The following PPP2R3B variants were observed in gnomAD, a reference collection of about 807,000 sequenced individuals.
The protein encoded by PPP2R3B is serine/threonine-protein phosphatase 2A regulatory subunit B'' subunit beta.
A neutral mutation model predicts 72.9 loss-of-function variants in PPP2R3B; 68 were observed. The observed-to-expected ratio is 0.93, with a 90% CI of 0.77 to 1.14. PPP2R3B has a LOEUF of 1.14. Among genes scored for constraint, PPP2R3B ranks in the 50% most tolerant of loss-of-function variants. PPP2R3B has a pLI of 0.00. For synonymous variants in PPP2R3B, 466 were observed against 375.8 expected, an observed-to-expected ratio of 1.24 and a Z score of -2.78; for missense variants, 1,018 against 842.0, an observed-to-expected ratio of 1.21 and a Z score of -2.59.
In PPP2R3B at chrX:354,048, CACCCAAA is replaced by C. The variant is rs1254077998; in HGVS notation, c.511-6362_511-6356del. ...GGGGCTCGCCCAGGGACCAGGGGCT[CACCCAAA>C]GACCGGGGCTCGCCCAAAGACCGGG... is the stretch of plus-strand genomic sequence containing the variant. On this transcript the variant is annotated intron_variant, in intron 2 of 12. Transcript: ENST00000390665. Among the ~76,000 whole-genome samples the C allele has an allele frequency of 1.2e-4, 17 of 139,262 alleles. 1 individual carries two copies. The highest frequency in any genetic ancestry group is 4.9e-4 in the African/African-American group (16 of 32,900). 91.4% of individuals were successfully genotyped at this position (139,262 alleles called of 152,430 possible).
rs768844823 is a variant in PPP2R3B, at chrX:345,634, C to G, written c.918G>C (p.Gln306His). Residue 306 changes from glutamine to histidine, a missense_variant, in exon 7 of 13, where the codon CAG (glutamine) becomes CAC (histidine). Coordinates refer to ENST00000390665, the MANE Select transcript of PPP2R3B (RefSeq NM_013239.5). ...GCTCGTACGAGAAGAATTCGGTCAGCTGGTTGATGTCCGCCTCCTCCTCCA... is the reference window on the plus strand; with the variant it reads ...GCTCGTACGAGAAGAATTCGGTCAGGTGGTTGATGTCCGCCTCCTCCTCCA... The part of the protein sequence containing the change: ...ALLEEEADIN[Q>H]LTEFFSYEHF... The G allele has an allele frequency of 3.7e-6, 6 of 1,613,164 alleles. No homozygotes were observed. The highest frequency in any genetic ancestry group is 5.1e-6 in the Non-Finnish European group (6 of 1,179,560).
chrX:339,025 T>C (rs983909320), intron 10 of PPP2R3B, 129 bp from the exon 11 acceptor site: 27 of 787,576 alleles, frequency 3.4e-5, no homozygotes, highest in Non-Finnish European at 3.5e-5. Flanking sequence ...TCACGCCACG[T>C]GTTTGACGTG....
chrX:354,681 T>C (rs1330108611), intron 2 of PPP2R3B, among the ~76,000 whole-genome samples: 2 of 151,778 alleles, frequency 1.3e-5, no homozygotes, highest in African/African-American at 4.9e-5. Context: ...CAGAACCCTG[T>C]CTCTACCAAA....
chrX:338,168 C>T (rs1433211429), intron 12 of PPP2R3B: 2 of 286,318 alleles, frequency 7.0e-6, no homozygotes, highest in African/African-American at 4.3e-5. Flanking sequence ...AACCCTCACG[C>T]TCCGTGAGAA....
chrX:373,315 C>T (rs2071907487), intron 1 of PPP2R3B, among the ~76,000 whole-genome samples: 1 of 152,216 alleles, frequency 6.6e-6, no homozygotes, highest in Admixed American at 6.5e-5. Context: ...CACCGCTTCC[C>T]ACAGAGCAGC....
chrX:386,359 G>A lies in PPP2R3B; in HGVS notation c.324+9C>T, dbSNP rs2072249328. On this transcript the variant is annotated intron_variant, in intron 1 of 12. Coordinates refer to ENST00000390665, the MANE Select transcript of PPP2R3B (RefSeq NM_013239.5). The stretch of plus-strand genomic sequence containing the variant: ...TGCGCAGTTGTTAGCAGAAGGAAGA[G>A]TAACTTACTACTCTCGTCCCTGCGG... The A allele has an allele frequency of 1.5e-6, 2 of 1,311,716 alleles. No individual in the cohort carries two copies. The highest frequency in any genetic ancestry group is 3.1e-5 in the Admixed American group (1 of 32,634). 81.3% of individuals were successfully genotyped at this position (1,311,716 alleles called of 1,614,324 possible). A position where few individuals can be genotyped will look rare whatever the true frequency, so the allele number is the denominator to read the frequency against.
intron 8 of PPP2R3B, 46 bp downstream of exon 8, chrX:341,837 C>A (rs1472088831): frequency 6.2e-7 from 1 of 1,604,466 alleles, no homozygotes; most frequent in East Asian, 2.2e-5. Flanking sequence ...GGACCGGGGT[C>A]CTCGCAGGGG....
chrX:345,692 G>C lies in PPP2R3B; in HGVS notation c.880-20C>G. 1 of 1,610,038 alleles carries C rather than the reference G, an allele frequency of 6.2e-7. No individual in the cohort carries two copies. The highest frequency in any genetic ancestry group is 8.5e-7 in the Non-Finnish European group (1 of 1,178,194). ...CACATTCTGCCAAAGGACCCAGGCG[G>C]CCTGAGCGCGGGGCCTCTGCGGGGA... is the stretch of plus-strand genomic sequence containing the variant. On this transcript the variant is annotated intron_variant, in intron 6 of 12. Transcript: ENST00000390665.
chrX:383,121 C>T (rs2072161021), intron 1 of PPP2R3B, among the ~76,000 whole-genome samples: 1 of 152,198 alleles, frequency 6.6e-6, no homozygotes, highest in African/African-American at 2.4e-5. Context: ...CAGACGGTCT[C>T]CAAGCTGCCT....
chrX:367,429 C>T (rs1218086044), intron 1 of PPP2R3B, among the ~76,000 whole-genome samples: 2 of 149,056 alleles, frequency 1.3e-5, no homozygotes, highest in South Asian at 2.1e-4. Flanking sequence ...GTCGACGTTC[C>T]TTTTTTTTTT....
Position 334,362 on chromosome X carries a change from C to A in PPP2R3B, c.*5G>T, listed in dbSNP as rs14127. On this transcript the variant is annotated 3_prime_UTR_variant, in exon 13 of 13. Coordinates refer to ENST00000390665, the MANE Select transcript of PPP2R3B (RefSeq NM_013239.5). ...GGCCCCGCGGCGGCGTTCTCGCGGG[C>A]GGCGTCACAGCGGCTCCAGGTCCTC... 3 of 1,491,302 alleles carry A rather than the reference C, an allele frequency of 2.0e-6. No homozygotes were observed. Among genetic ancestry groups the A allele is most frequent in the African/African-American group, 2.9e-5 (2 of 68,074 alleles). The allele number at this position is 1,491,302 out of a possible 1,614,324, so 92.4% of individuals were successfully genotyped here.
At chrX:363,597 G>A (rs771166285) in intron 1 of PPP2R3B, among the ~76,000 whole-genome samples, 12 of 7,996 alleles carry the variant, frequency 1.5e-3, no homozygotes, top group Non-Finnish European at 3.1e-3. Flanking sequence ...GCATCTCCCC[G>A]TGCCCGCAAT....
At chrX:355,749 A>G (rs925422217) in intron 2 of PPP2R3B, among the ~76,000 whole-genome samples, 2 of 152,220 alleles carry the variant, frequency 1.3e-5, no homozygotes, top group African/African-American at 4.8e-5. Flanking sequence ...CTGTTTACAT[A>G]AAATTCCAGA....
rs372537227 is a variant in PPP2R3B at position 334,161 on chromosome X, G to A, written c.*206C>T. ...GTGTGGGAACCCGTCCCATTCACGC[G>A]CGGCCCTACGTGTCCCCCTGGCACA... On this transcript the variant is annotated 3_prime_UTR_variant, in exon 13 of 13. Transcript: ENST00000390665. The A allele has an allele frequency of 8.7e-5, 43 of 491,726 alleles. No homozygotes were observed. The highest frequency in any genetic ancestry group is 4.3e-4 in the African/African-American group (21 of 48,844). The allele number at this position is 491,726 out of a possible 1,614,324, so 30.5% of individuals were successfully genotyped here. A position where few individuals can be genotyped will look rare whatever the true frequency, so the allele number is the denominator to read the frequency against.
intron 1 of PPP2R3B, among the ~76,000 whole-genome samples, chrX:369,053 A>G (rs931576156): frequency 6.6e-6 from 1 of 152,196 alleles, no homozygotes; most frequent in Non-Finnish European, 1.5e-5. Context: ...TCTTTTCAAC[A>G]CACACAGCTC....
In PPP2R3B at chrX:334,665, C is replaced by T. The variant is rs770785537; in HGVS notation, c.1578-148G>A. ...TGAGCTCCAGCCGCTGAGCCAGCAA[C>T]GCGCTCCTGGCTGAGGACGCCGGCT... On this transcript the variant is annotated intron_variant, in intron 12 of 12. Coordinates refer to ENST00000390665, the MANE Select transcript of PPP2R3B (RefSeq NM_013239.5). The T allele has an allele frequency of 1.1e-3, 1,044 of 967,718 alleles. 8 individuals carry two copies. In the African/African-American group the frequency reaches 0.016, roughly 15 times the overall value. The allele number at this position is 967,718 out of a possible 1,614,324, so 59.9% of individuals were successfully genotyped here. A position where few individuals can be genotyped will look rare whatever the true frequency, so the allele number is the denominator to read the frequency against.
chrX:353,830 C>T (rs370068254), intron 2 of PPP2R3B, among the ~76,000 whole-genome samples: 1 of 146,656 alleles, frequency 6.8e-6, no homozygotes, highest in African/African-American at 2.5e-5. Flanking sequence ...GGGGCTCGCC[C>T]AAAGACCGGG....
intron 1 of PPP2R3B, among the ~76,000 whole-genome samples, chrX:378,800 C>T (rs778125277): frequency 6.6e-6 from 1 of 152,286 alleles, no homozygotes; most frequent in South Asian, 2.1e-4. Flanking sequence ...TCGGTGCCCA[C>T]TATGAAAACG....
chrX:364,069 C>G (rs978768598), intron 1 of PPP2R3B, among the ~76,000 whole-genome samples: 17 of 152,264 alleles, frequency 1.1e-4, no homozygotes, highest in Non-Finnish European at 1.9e-4. Flanking sequence ...CCTGAACAGG[C>G]TCTGCCTTCA....
Sources: allele counts gnomAD v4.1 joint callset (sites outside exome capture counted in the v4.1 genomes callset), GRCh38; gene constraint gnomAD v4.1.1; transcripts MANE v1.5; gene names NCBI Gene and HGNC (gene_info 2026-07-23, HGNC 2026-07-21).